Variants in DOCK8 observed in about 807,000 individuals in gnomAD.
The protein encoded by DOCK8 is dedicator of cytokinesis 8, also known as dedicator of cytokinesis protein 8.
A neutral mutation model predicts 245.6 loss-of-function variants in DOCK8; 141 were observed. The ratio of observed to expected loss-of-function variants is 0.57; its 90% confidence interval spans 0.50 to 0.66. The LOEUF is 0.66. Ranked by LOEUF, DOCK8 falls within the 30% of genes least tolerant of loss-of-function variation. The pLI is 0.00. For synonymous variants in DOCK8, 1,168 were observed against 970.2 expected (o/e 1.20, Z -3.79); for missense variants, 2,965 against 2,603.4 (o/e 1.14, Z -3.02).
intron 17 of DOCK8, 98 bp downstream of exon 17, chr9:371,664 C>A: frequency 6.5e-7 from 1 of 1,540,170 alleles, no homozygotes; most frequent in Non-Finnish European, 8.9e-7. Context: ...TTGATTTTTT[C>A]CAGTCAGAAG....
intron 26 of DOCK8, among the ~76,000 whole-genome samples, chr9:404,602 T>C (rs369283811): frequency 7.2e-5 from 11 of 152,190 alleles, no homozygotes; most frequent in African/African-American, 2.7e-4. Context: ...AAATTAATTA[T>C]GTTACGGTGA....
chr9:426,734 T>G lies in DOCK8; in HGVS notation c.4242-151T>G. 5 of 694,202 alleles carry G rather than the reference T, an allele frequency of 7.2e-6. No homozygotes were observed. The South Asian group carries it at 7.9e-5, about 11-fold the overall frequency. The allele number at this position is 694,202 out of a possible 1,614,324, so 43.0% of individuals were successfully genotyped here. On this transcript the variant is annotated intron_variant, in intron 33 of 47. Transcript: ENST00000432829. Reference sequence around the variant, plus strand: ...CAAGACATGAATCACAGAAGGCACCTGCACTGTAGTTACTCAGGGCCAGTT... The same window carrying G: ...CAAGACATGAATCACAGAAGGCACCGGCACTGTAGTTACTCAGGGCCAGTT...
At chr9:323,883 A>G (rs1198826502) in intron 7 of DOCK8, among the ~76,000 whole-genome samples, 1 of 152,202 alleles carries the variant, frequency 6.6e-6, no homozygotes, top group Non-Finnish European at 1.5e-5. Context: ...TATATGTAGC[A>G]TATTTTGTTA....
intron 26 of DOCK8, among the ~76,000 whole-genome samples, chr9:399,758 C>T (rs972851783): frequency 2.6e-5 from 4 of 152,028 alleles, no homozygotes; most frequent in African/African-American, 9.7e-5. Context: ...AAACCAAGTG[C>T]ATCTATCAGT....
In DOCK8 at chr9:399,219, G is replaced by T. The variant is rs369239221; in HGVS notation, c.3194G>T (p.Arg1065Leu). 1.4e-4 allele frequency: 228 copies of T among 1,613,922 alleles called. No individual in the cohort carries two copies. The highest frequency in any genetic ancestry group is 1.8e-4 in the Non-Finnish European group (218 of 1,179,970). ...FLYDLLSLMD[R>L]GFVFNLIRHY... Reference sequence around the variant, plus strand: ...TATGACCTTCTCTCCCTCATGGATCGGGGCTTTGTGTTTAACCTCATCAGA... The same window carrying T: ...TATGACCTTCTCTCCCTCATGGATCTGGGCTTTGTGTTTAACCTCATCAGA... Residue 1065 changes from arginine to leucine, a missense_variant, in exon 26 of 48, where the codon CGG becomes CTG. Arg to Leu is a moderately radical substitution (Grantham distance 102). Around this residue, in one of 3 missense-constraint regions of DOCK8, gnomAD observed 2,825 missense variants for 2,453.5 expected, o/e 1.15. Coordinates refer to ENST00000432829, the MANE Select transcript of DOCK8 (RefSeq NM_203447.4).
At position 215,124 on chromosome 9, in the gene DOCK8, C is replaced by G. The variant is rs925462132; in HGVS notation, c.53+95C>G. On this transcript the variant is annotated intron_variant, in intron 1 of 47. Transcript: ENST00000432829. ...TGCAGGGGCCGAGGCCGGACGAGTC[C>G]ATTCGCGTCCGCGGCGGGGCGCGCC... 6 of 1,480,846 alleles carry G rather than the reference C, an allele frequency of 4.1e-6. No individual in the cohort carries two copies. The Middle Eastern group carries it at 1.2e-3, about 297-fold the overall frequency. 91.7% of individuals were successfully genotyped at this position (1,480,846 alleles called of 1,614,324 possible).
At chr9:431,690 G>A (rs1021675694) in intron 36 of DOCK8, among the ~76,000 whole-genome samples, 5 of 152,034 alleles carry the variant, frequency 3.3e-5, no homozygotes, top group African/African-American at 1.2e-4. Flanking sequence ...TGTATTTTTA[G>A]TAGAGGCGGG....
intron 1 of DOCK8, among the ~76,000 whole-genome samples, chr9:261,326 T>A (rs567014659): frequency 6.6e-5 from 10 of 152,358 alleles, no homozygotes; most frequent in Admixed American, 1.3e-4. Context: ...TATAATTTTT[T>A]AAAATCCACT....
At chr9:320,098 C>T (rs1399112549) in intron 7 of DOCK8, among the ~76,000 whole-genome samples, 3 of 152,178 alleles carry the variant, frequency 2.0e-5, no homozygotes, top group African/African-American at 7.2e-5. Flanking sequence ...AAAGAACAAA[C>T]ACTCACGGAA....
rs546631739 is a variant in DOCK8, at chr9:214,923, G to T, written c.-54G>T. The T allele has an allele frequency of 2.4e-5, 38 of 1,604,150 alleles. No individual in the cohort carries two copies. The South Asian group carries it at 3.6e-4, about 15-fold the overall frequency. On this transcript the variant is annotated 5_prime_UTR_variant, in exon 1 of 48. Coordinates refer to ENST00000432829, the MANE Select transcript of DOCK8 (RefSeq NM_203447.4). The stretch of plus-strand genomic sequence containing the variant: ...CCGCGGCTACTCTGCGGCGCGCCAG[G>T]CCCCCGCTTTCCGCACCCCGCGACC...
chr9:312,124 T>G lies in DOCK8; in HGVS notation c.699T>G (p.Asn233Lys), dbSNP rs2039045. The G allele has an allele frequency of 4.3e-6, 7 of 1,613,986 alleles. No individual in the cohort carries two copies. The highest frequency in any genetic ancestry group is 4.0e-5 in the African/African-American group (3 of 74,884). Reference protein sequence around the residue: ...EKQNEEARRTNRQAELFALYP... With the variant: ...EKQNEEARRTKRQAELFALYP... ...AGAACGAGGAGGCCCGGAGGACCAA[T>G]AGGCAGGCCGAGCTCTTTGCCCTTT... The change falls in exon 6 of 48, where the codon AAT becomes AAG. Residue 233 changes from asparagine to lysine, a missense_variant. Asn to Lys is a moderately conservative substitution (Grantham distance 94, BLOSUM62 0). Around this residue, in one of 3 missense-constraint regions of DOCK8, gnomAD observed 2,825 missense variants for 2,453.5 expected, o/e 1.15. Transcript: ENST00000432829.
intron 32 of DOCK8, 38 bp from the exon 33 acceptor site, chr9:422,010 G>T (rs756940767): frequency 6.5e-7 from 1 of 1,544,410 alleles, no homozygotes; most frequent in Non-Finnish European, 9.0e-7. Flanking sequence ...AGGGTTTCAT[G>T]CTAATCAAAT....
chr9:343,496 A>T (rs986472673), intron 14 of DOCK8, among the ~76,000 whole-genome samples: 334 of 152,264 alleles, frequency 2.2e-3, no homozygotes, highest in Non-Finnish European at 3.3e-3. Flanking sequence ...AAAAAAAAAA[A>T]AATAATTTAG....
chr9:400,367 CCACCTCCTTCACCATCACCAT>C (rs1564013594), intron 26 of DOCK8, among the ~76,000 whole-genome samples: 1 of 96,266 alleles, frequency 1.0e-5, no homozygotes. Flanking sequence ...TCCACCATCA[CCACCTCCTTCACCATCACCAT>C]CACCACCACC....
At chr9:442,296 G>A (rs1259570908) in intron 42 of DOCK8, among the ~76,000 whole-genome samples, 3 of 152,202 alleles carry the variant, frequency 2.0e-5, no homozygotes, top group Admixed American at 6.5e-5. Context: ...ATTCAATCAA[G>A]GTCATGTGCT....
chr9:249,891 G>C (rs1360921016), intron 1 of DOCK8, among the ~76,000 whole-genome samples: 2 of 151,880 alleles, frequency 1.3e-5, no homozygotes, highest in Admixed American at 1.3e-4. Flanking sequence ...GCATCCCAAA[G>C]TGCTGGGATT....
chr9:215,176 G>C (rs764801598), intron 1 of DOCK8, 147 bp downstream of exon 1: 6 of 1,508,084 alleles, frequency 4.0e-6, no homozygotes, highest in African/African-American at 1.4e-5. Flanking sequence ...CGGTTCCCGA[G>C]GCTGCGGCGG....
At chr9:303,544 A>G (rs1216375303) in intron 4 of DOCK8, among the ~76,000 whole-genome samples, 1 of 152,218 alleles carries the variant, frequency 6.6e-6, no homozygotes, top group Non-Finnish European at 1.5e-5. Flanking sequence ...ACAGGAACAG[A>G]AAACCAAATA....
At chr9:354,587 G>T (rs998135709) in intron 14 of DOCK8, among the ~76,000 whole-genome samples, 3 of 152,166 alleles carry the variant, frequency 2.0e-5, no homozygotes, top group African/African-American at 7.2e-5. Context: ...CTTTCGAAAA[G>T]TGCAGTGAGG....
Sources: allele counts gnomAD v4.1 joint callset (sites outside exome capture counted in the v4.1 genomes callset), GRCh38; gene constraint gnomAD v4.1.1; regional missense constraint gnomAD v4.1.1; transcripts MANE v1.5; gene names NCBI Gene and HGNC (gene_info 2026-07-23, HGNC 2026-07-21).